Variants in AKR1C8 observed in about 807,000 individuals in gnomAD.
The protein encoded by AKR1C8 is aldo-keto reductase family 1 member C8, also known as aldo-keto reductase family 1 member C-like protein 1.
the AKR1C8 span, among the ~76,000 whole-genome samples, chr10:5,134,006 G>A: frequency 0.062 from 9,502 of 152,192 alleles, 347 homozygotes; most frequent in Middle Eastern, 0.082. Flanking sequence ...TAAAATTATT[G>A]ATTTATCTAC....
chr10:5,182,908 C>CA, the AKR1C8 span, among the ~76,000 whole-genome samples: 10,200 of 131,878 alleles, frequency 0.077, 415 homozygotes, highest in Middle Eastern at 0.1. Flanking sequence ...GACTCTGTCT[C>CA]AAAAAAAAAA....
the AKR1C8 span, chr10:5,157,927 G>A: frequency 3.2e-4 from 111 of 343,410 alleles, 1 homozygote; most frequent in African/African-American, 2.1e-3. Flanking sequence ...GATTTAAAAC[G>A]GTCTGATAAC....
At chr10:5,116,848 A>T in the AKR1C8 span, among the ~76,000 whole-genome samples, 97,055 of 151,830 alleles carry the variant, frequency 0.64, 31,856 homozygotes, top group African/African-American at 0.7. Flanking sequence ...GACTTACAAA[A>T]TACAGTAATT....
the AKR1C8 span, among the ~76,000 whole-genome samples, chr10:5,151,022 G>A: frequency 6.6e-6 from 1 of 152,164 alleles, no homozygotes; most frequent in African/African-American, 2.4e-5. Flanking sequence ...GGGGACCAGT[G>A]AGTCAGGAGT....
the AKR1C8 span, among the ~76,000 whole-genome samples, chr10:5,159,718 C>T: frequency 6.6e-6 from 1 of 152,162 alleles, no homozygotes; most frequent in African/African-American, 2.4e-5. Context: ...GAATTGTGCT[C>T]TTCCACCCCA....
chr10:5,159,580 TCCA>T, the AKR1C8 span, among the ~76,000 whole-genome samples: 3 of 151,994 alleles, frequency 2.0e-5, no homozygotes, highest in Non-Finnish European at 4.4e-5. Context: ...TTAGTTACCA[TCCA>T]TAAAGCAATG....
chr10:5,151,670 C>T, the AKR1C8 span, among the ~76,000 whole-genome samples: 1 of 151,240 alleles, frequency 6.6e-6, no homozygotes, highest in Admixed American at 6.6e-5. Context: ...GATTCTCCTA[C>T]CTCAGCCTCC....
chr10:5,166,895 A>T, the AKR1C8 span, among the ~76,000 whole-genome samples: 1 of 152,240 alleles, frequency 6.6e-6, no homozygotes, highest in Admixed American at 6.5e-5. Flanking sequence ...CTCATCTGAC[A>T]AAGGGCAAAT....
the AKR1C8 span, among the ~76,000 whole-genome samples, chr10:5,139,164 T>C: frequency 4.6e-3 from 688 of 150,612 alleles, 3 homozygotes; most frequent in Admixed American, 8.0e-3. Context: ...GAGGACACAA[T>C]GGAAGGACAT....
the AKR1C8 span, among the ~76,000 whole-genome samples, chr10:5,126,105 T>C: frequency 6.6e-6 from 1 of 152,130 alleles, no homozygotes; most frequent in Non-Finnish European, 1.5e-5. Flanking sequence ...TCTAAACCTC[T>C]ACCACCAACA....
At chr10:5,170,893 T>A in the AKR1C8 span, among the ~76,000 whole-genome samples, 1 of 152,118 alleles carries the variant, frequency 6.6e-6, no homozygotes, top group Non-Finnish European at 1.5e-5. Context: ...TTCCAAATTT[T>A]GGAGAAAATC....
chr10:5,138,656 A>G, the AKR1C8 span, among the ~76,000 whole-genome samples: 1 of 152,250 alleles, frequency 6.6e-6, no homozygotes, highest in Non-Finnish European at 1.5e-5. Context: ...TAAAAGTATT[A>G]TTTGGGAACT....
the AKR1C8 span, among the ~76,000 whole-genome samples, chr10:5,161,271 T>C: frequency 4.6e-5 from 7 of 152,272 alleles, no homozygotes; most frequent in South Asian, 1.0e-3. Context: ...CAGTGCTTAA[T>C]ATAGCTATTC....
the AKR1C8 span, among the ~76,000 whole-genome samples, chr10:5,136,320 G>A: frequency 6.6e-6 from 1 of 152,144 alleles, no homozygotes; most frequent in East Asian, 1.9e-4. Flanking sequence ...GGCTGAGGTA[G>A]GTGGATCACT....
At chr10:5,184,064 C>A in the AKR1C8 span, among the ~76,000 whole-genome samples, 2,788 of 152,234 alleles carry the variant, frequency 0.018, 85 homozygotes, top group African/African-American at 0.063. Flanking sequence ...TATGAATTAT[C>A]ATTCAGCATC....
chr10:5,165,671 A>G, the AKR1C8 span, among the ~76,000 whole-genome samples: 1 of 152,170 alleles, frequency 6.6e-6, no homozygotes, highest in East Asian at 1.9e-4. Context: ...TAAACAAAAA[A>G]GAGTACTTTA....
the AKR1C8 span, among the ~76,000 whole-genome samples, chr10:5,131,945 T>G: frequency 7.2e-5 from 11 of 152,278 alleles, no homozygotes; most frequent in African/African-American, 2.6e-4. Context: ...AAGAGTCCGT[T>G]GACCAATGCA....
the AKR1C8 span, among the ~76,000 whole-genome samples, chr10:5,177,515 CTTCT>C: frequency 1.3e-5 from 2 of 152,160 alleles, no homozygotes; most frequent in Admixed American, 6.5e-5. Context: ...GGGAGGCTTC[CTTCT>C]TTTTCTATTG....
At chr10:5,144,350 G>A in the AKR1C8 span, among the ~76,000 whole-genome samples, 1,246 of 152,128 alleles carry the variant, frequency 8.2e-3, 46 homozygotes, top group Non-Finnish European at 3.1e-3. Context: ...TTGACTTGGC[G>A]ATGCGGGCTC....
Sources: allele counts gnomAD v4.1 joint callset (sites outside exome capture counted in the v4.1 genomes callset), GRCh38; gene constraint gnomAD v4.1.1; transcripts MANE v1.5; gene names NCBI Gene and HGNC (gene_info 2026-07-23, HGNC 2026-07-21).